TSPAN11: variants seen among roughly 807,000 people sequenced by gnomAD.
TSPAN11 encodes the protein tetraspanin 11.
Under a neutral mutation model 32.9 loss-of-function variants are expected in TSPAN11, and 29 were observed. That is an observed-to-expected ratio of 0.88 (90% CI 0.66 to 1.20). The LOEUF is 1.20. TSPAN11 is among the 50% of genes most tolerant of loss of function. The probability of loss-of-function intolerance (pLI) is 0.00; values close to 1 mark genes in which losing one functional copy is unlikely to be tolerated. For missense variants in TSPAN11, 283 were observed against 329.1 expected (o/e 0.86, Z 1.08); for synonymous variants, 140 against 141.3 (o/e 0.99, Z 0.07).
At chr12:30,950,868 TTAGAGA>T (rs1938367558) in intron 1 of TSPAN11, among the ~76,000 whole-genome samples, 1 of 152,190 alleles carries the variant, frequency 6.6e-6, no homozygotes, top group Non-Finnish European at 1.5e-5. Flanking sequence ...CCTCTGATTA[TTAGAGA>T]TAAAGAATGG....
chr12:30,955,451 G>GA (rs1413008367), intron 2 of TSPAN11, among the ~76,000 whole-genome samples: 1 of 152,152 alleles, frequency 6.6e-6, no homozygotes, highest in East Asian at 1.9e-4. Context: ...TTTATTTCCT[G>GA]ATTATAAAAG....
chr12:30,976,577 C>T (rs1205063157), intron 3 of TSPAN11, among the ~76,000 whole-genome samples: 1 of 152,188 alleles, frequency 6.6e-6, no homozygotes, highest in African/African-American at 2.4e-5. Flanking sequence ...CAGTACCACA[C>T]GCAGACCCAG....
At chr12:30,971,825 T>C (rs1205438405) in intron 3 of TSPAN11, among the ~76,000 whole-genome samples, 1 of 135,824 alleles carries the variant, frequency 7.4e-6, no homozygotes, top group Non-Finnish European at 1.6e-5. Flanking sequence ...TTCTGCATAT[T>C]TCCTGCAAGG....
chr12:30,931,053 G>A (rs1392059870), intron 1 of TSPAN11, among the ~76,000 whole-genome samples: 5 of 152,222 alleles, frequency 3.3e-5, no homozygotes, highest in Admixed American at 3.3e-4. Flanking sequence ...CCCCTGGTCT[G>A]TGTTGAAAGG....
Position 30,944,572 on chromosome 12 carries a change from C to T in TSPAN11, c.-11-9409C>T, listed in dbSNP as rs180970097. 1.2e-3 allele frequency among the ~76,000 whole-genome samples: 175 copies of T among 147,402 alleles called. 2 individuals carry two copies. In the East Asian group the frequency reaches 0.033, roughly 27 times the overall value. ...TCAGTATGTGAAAGAGATATCTGCACTCCCATGTCCATGTCAGCACTGTTC... is the reference window on the plus strand; with the variant it reads ...TCAGTATGTGAAAGAGATATCTGCATTCCCATGTCCATGTCAGCACTGTTC... On this transcript the variant is annotated intron_variant, in intron 1 of 7. Coordinates refer to ENST00000546076, the MANE Select transcript of TSPAN11 (RefSeq NM_001370302.1).
intron 3 of TSPAN11, among the ~76,000 whole-genome samples, chr12:30,969,477 G>A (rs140936622): frequency 6.6e-6 from 1 of 152,312 alleles, no homozygotes; most frequent in East Asian, 1.9e-4. Context: ...GTGCAGGCAG[G>A]GGAATGGACC....
intron 2 of TSPAN11, among the ~76,000 whole-genome samples, chr12:30,955,683 C>T (rs1232429981): frequency 1.3e-5 from 2 of 152,158 alleles, no homozygotes; most frequent in South Asian, 2.1e-4. Context: ...TCGCCTCACC[C>T]CAGCTTCTGG....
intron 7 of TSPAN11, among the ~76,000 whole-genome samples, chr12:30,987,474 G>A (rs1939222346): frequency 6.6e-6 from 1 of 152,148 alleles, no homozygotes; most frequent in Non-Finnish European, 1.5e-5. Context: ...GGGCATGGAG[G>A]CGCGCGCCTG....
chr12:30,990,458 T>C (rs1391302978), intron 7 of TSPAN11, among the ~76,000 whole-genome samples: 2 of 152,180 alleles, frequency 1.3e-5, no homozygotes, highest in Non-Finnish European at 2.9e-5. Context: ...GAAACCTGCA[T>C]GGGTGGAACG....
the TSPAN11 span, among the ~76,000 whole-genome samples, chr12:31,006,301 T>G: frequency 1.3e-5 from 2 of 152,114 alleles, no homozygotes; most frequent in Non-Finnish European, 2.9e-5. Context: ...ACCACCCCAG[T>G]GTGGTCCAGG....
the TSPAN11 span, among the ~76,000 whole-genome samples, chr12:31,014,067 C>G: frequency 2.0e-5 from 3 of 152,312 alleles, no homozygotes; most frequent in East Asian, 5.8e-4. Context: ...TTTAAAATCA[C>G]TTACGTGATT....
At position 30,992,057 on chromosome 12, in the gene TSPAN11, G is replaced by C; in HGVS notation, c.*142G>C. On this transcript the variant is annotated 3_prime_UTR_variant, in exon 8 of 8. Transcript: ENST00000546076. ...TGCCTAGCTCCTGCGAATCCACCGA[G>C]TGCCTGAGACCATAGCTTCTGTGCC... 1.1e-6 allele frequency: 1 copy of C among 879,916 alleles called. No homozygotes were observed. The highest frequency in any genetic ancestry group is 2.3e-5 in the African/African-American group (1 of 43,720). 54.5% of individuals were successfully genotyped at this position (879,916 alleles called of 1,614,324 possible). A position where few individuals can be genotyped will look rare whatever the true frequency, so the allele number is the denominator to read the frequency against.
intron 6 of TSPAN11, 65 bp downstream of exon 6, chr12:30,982,755 G>A: frequency 1.3e-6 from 2 of 1,500,350 alleles, no homozygotes; most frequent in Non-Finnish European, 8.9e-7. Context: ...AGGAGCCCCA[G>A]AAAGGCTGGG....
the TSPAN11 span, among the ~76,000 whole-genome samples, chr12:31,009,299 G>A: frequency 3.3e-5 from 5 of 152,130 alleles, no homozygotes; most frequent in Admixed American, 2.6e-4. Context: ...CAGGCCTGCC[G>A]ACCCCCTATT....
At chr12:31,008,343 C>T in the TSPAN11 span, among the ~76,000 whole-genome samples, 2 of 152,234 alleles carry the variant, frequency 1.3e-5, no homozygotes, top group Admixed American at 6.5e-5. Flanking sequence ...AGTCACAGAG[C>T]TCCTTGTGGT....
intron 1 of TSPAN11, among the ~76,000 whole-genome samples, chr12:30,937,261 T>C (rs1215176904): frequency 6.6e-6 from 1 of 152,130 alleles, no homozygotes; most frequent in Non-Finnish European, 1.5e-5. Flanking sequence ...GATCTGGCAA[T>C]AACTTAAGAG....
chr12:30,934,488 AC>A (rs1938000757), intron 1 of TSPAN11, among the ~76,000 whole-genome samples: 1 of 151,946 alleles, frequency 6.6e-6, no homozygotes, highest in Non-Finnish European at 1.5e-5. Flanking sequence ...GGCTTAACAC[AC>A]CCCTTCAACA....
chr12:30,936,283 T>C (rs1434041089), intron 1 of TSPAN11, among the ~76,000 whole-genome samples: 1 of 152,200 alleles, frequency 6.6e-6, no homozygotes, highest in Non-Finnish European at 1.5e-5. Flanking sequence ...TGTGCTACAG[T>C]GATATTAATG....
At chr12:30,937,544 C>T (rs897810172) in intron 1 of TSPAN11, among the ~76,000 whole-genome samples, 2 of 152,174 alleles carry the variant, frequency 1.3e-5, no homozygotes, top group African/African-American at 4.8e-5. Context: ...CCCAACAGGA[C>T]TGTGGCTTAA....
Sources: allele counts gnomAD v4.1 joint callset (sites outside exome capture counted in the v4.1 genomes callset), GRCh38; gene constraint gnomAD v4.1.1; transcripts MANE v1.5; gene names NCBI Gene and HGNC (gene_info 2026-07-23, HGNC 2026-07-21).